The following C2CD2 variants were observed in gnomAD, a reference collection of about 807,000 sequenced individuals.
C2CD2 encodes the protein C2 calcium dependent domain containing 2.
C2CD2 carries 43 observed loss-of-function variants against 74.3 expected under a neutral mutation model. The ratio of observed to expected loss-of-function variants is 0.58; its 90% CI spans 0.45 to 0.75. The LOEUF (loss-of-function observed/expected upper bound fraction) is 0.75, where lower values mean the gene tolerates loss of function less well. Among genes scored for constraint, C2CD2 ranks in the 30% least tolerant of loss-of-function variants. The probability of loss-of-function intolerance (pLI) is 0.00; values close to 1 mark genes in which losing one functional copy is unlikely to be tolerated. For synonymous variants in C2CD2, 422 were observed against 390.7 expected (o/e 1.08, Z -0.94); for missense variants, 801 against 916.3 (o/e 0.87, Z 1.63).
At position 41,926,389 on chromosome 21, in the gene C2CD2, A is replaced by G; in HGVS notation, c.379-4304T>C. ...GTCAGGGTCTCCACATGGAAAGGCC[A>G]AGGGGGGACTCACGGTTGGCAGGTG... On this transcript the variant is annotated intron_variant, in intron 2 of 13. Transcript: ENST00000380486. The surrounding 1 kb of genome is among the most constrained non-coding windows in gnomAD (Gnocchi z 8.0). 1.0e-6 allele frequency: 1 copy of G among 979,242 alleles called. No homozygotes were observed. The highest frequency in any genetic ancestry group is 1.2e-6 in the Non-Finnish European group (1 of 824,350). 60.7% of individuals were successfully genotyped at this position (979,242 alleles called of 1,614,324 possible). A position where few individuals can be genotyped will look rare whatever the true frequency, so the allele number is the denominator to read the frequency against.
intron 2 of C2CD2, among the ~76,000 whole-genome samples, chr21:41,922,311 C>T (rs2065164081): frequency 6.6e-6 from 1 of 151,086 alleles, no homozygotes; most frequent in Admixed American, 6.6e-5. Context: ...GGGGTGTGCC[C>T]CCACACCCAC....
At chr21:41,889,626 G>A (rs945201835) in intron 13 of C2CD2, among the ~76,000 whole-genome samples, 6 of 135,664 alleles carry the variant, frequency 4.4e-5, no homozygotes, top group African/African-American at 1.6e-4. Flanking sequence ...TTATATTCCT[G>A]AATTTTTTTT....
Position 41,926,369 on chromosome 21 carries a change from G to C in C2CD2, c.379-4284C>G, listed in dbSNP as rs1229414439. ...TGGGGGGCTATTCACGGTAAGTCAG[G>C]GTCTCCACATGGAAAGGCCAAGGGG... On this transcript the variant is annotated intron_variant, in intron 2 of 13. Coordinates refer to ENST00000380486, the MANE Select transcript of C2CD2 (RefSeq NM_015500.2). The surrounding 1 kb of genome is among the most constrained non-coding windows in gnomAD (Gnocchi z 8.0). 1.1e-6 allele frequency: 1 copy of C among 937,970 alleles called. No individual in the cohort carries two copies. Among genetic ancestry groups the C allele is most frequent in the African/African-American group, 1.8e-5 (1 of 56,398 alleles). The allele number at this position is 937,970 out of a possible 1,614,324, so 58.1% of individuals were successfully genotyped here. A position where few individuals can be genotyped will look rare whatever the true frequency, so the allele number is the denominator to read the frequency against.
At chr21:41,900,868 G>C (rs459252) in intron 12 of C2CD2, 27,682 of 152,260 alleles carry the variant, frequency 0.18, 2,606 homozygotes, top group Middle Eastern at 0.22. Flanking sequence ...AGGCCAAGGT[G>C]GATGGATCGC....
At chr21:41,952,207 A>G (rs1367929300) in intron 1 of C2CD2, among the ~76,000 whole-genome samples, 2 of 152,224 alleles carry the variant, frequency 1.3e-5, no homozygotes, top group African/African-American at 4.8e-5. Context: ...TTTCCTCCAA[A>G]AAGTACAGTC....
In C2CD2 at chr21:41,905,812, C is replaced by T. The variant is rs2146163653; in HGVS notation, c.1344G>A (p.Lys448=). 6.2e-7 allele frequency: 1 copy of T among 1,605,168 alleles called. No homozygotes were observed. Among genetic ancestry groups the T allele is most frequent in the Non-Finnish European group, 8.5e-7 (1 of 1,171,864 alleles). ...SSDSPVKTPI[K]VKVIEKDISV... ...AGATGTCCTTCTCGATCACCTTCACCTTGATGGGAGTCTTCACCGGAGAAT... is the reference window on the plus strand; with the variant it reads ...AGATGTCCTTCTCGATCACCTTCACTTTGATGGGAGTCTTCACCGGAGAAT... The change falls in exon 11 of 14, where the codon AAG becomes AAA. Residue 448 remains lysine, a synonymous_variant. Coordinates refer to ENST00000380486, the MANE Select transcript of C2CD2 (RefSeq NM_015500.2).
At chr21:41,911,476 C>T (rs368584623) in intron 7 of C2CD2, among the ~76,000 whole-genome samples, 131 of 149,272 alleles carry the variant, frequency 8.8e-4, no homozygotes, top group African/African-American at 3.1e-3. Context: ...ACTGCAACCT[C>T]TGAATCCCAG....
intron 11 of C2CD2, 145 bp from the exon 12 acceptor site, chr21:41,901,894 T>C (rs752005635): frequency 3.2e-5 from 23 of 711,750 alleles, no homozygotes; most frequent in Non-Finnish European, 5.1e-5. Context: ...TTAGGCTTTG[T>C]TGGTGGTCTC....
At chr21:41,948,880 TTTTTTTTTTTTTC>T (rs1364795146) in intron 1 of C2CD2, among the ~76,000 whole-genome samples, 24 of 131,068 alleles carry the variant, frequency 1.8e-4, no homozygotes, top group Admixed American at 3.9e-4. Context: ...CTTTTTTTTT[TTTTTTTTTTTTTC>T]TTTTTTTTTA....
rs191589149 is a variant in C2CD2 at position 41,917,651 on chromosome 21, G to A, written c.720+454C>T. Among the ~76,000 whole-genome samples the A allele has an allele frequency of 1.9e-3, 291 of 152,326 alleles. 3 individuals are homozygous for A. Among genetic ancestry groups the A allele is most frequent in the South Asian group, 0.01 (49 of 4,826 alleles). Reference sequence around the variant, plus strand: ...ATATGGAAAAGGGGGTCGCACAGATGAGACTAGCCTCCTTTATCGTGTGCC... The same window carrying A: ...ATATGGAAAAGGGGGTCGCACAGATAAGACTAGCCTCCTTTATCGTGTGCC... On this transcript the variant is annotated intron_variant, in intron 5 of 13. Coordinates refer to ENST00000380486, the MANE Select transcript of C2CD2 (RefSeq NM_015500.2).
chr21:41,902,034 G>T (rs941901441), intron 11 of C2CD2, among the ~76,000 whole-genome samples: 1 of 152,126 alleles, frequency 6.6e-6, no homozygotes, highest in Non-Finnish European at 1.5e-5. Context: ...TTTTTCCTAT[G>T]GGCCATAGTT....
intron 13 of C2CD2, among the ~76,000 whole-genome samples, chr21:41,890,990 G>C (rs2064746172): frequency 6.6e-6 from 1 of 152,174 alleles, no homozygotes; most frequent in Non-Finnish European, 1.5e-5. Context: ...GATCAAAGCG[G>C]CCATAATTTT....
At position 41,945,071 on chromosome 21, in the gene C2CD2, A is replaced by G. The variant is rs2065387560; in HGVS notation, c.280-2826T>C. Among the ~76,000 whole-genome samples, 1 of 152,250 alleles carries G rather than the reference A, an allele frequency of 6.6e-6. No homozygotes were observed. The highest frequency in any genetic ancestry group is 2.1e-4 in the South Asian group (1 of 4,832). ...TGTGTTTCATAGGTTGGGAACTCAG[A>G]AACTACTTCATGCATATACTAGAAC... On this transcript the variant is annotated intron_variant, in intron 1 of 13. Coordinates refer to ENST00000380486, the MANE Select transcript of C2CD2 (RefSeq NM_015500.2). The surrounding 1 kb of genome is among the most constrained non-coding windows in gnomAD (Gnocchi z 4.2).
Position 41,903,780 on chromosome 21 carries a change from C to T in C2CD2, c.1432+1944G>A, listed in dbSNP as rs888684894. ...GCACCGTGGCAGGTGAGCCTGGGGG[C>T]CGGCTCCATGGACCATGCATCAGAA... On this transcript the variant is annotated intron_variant, in intron 11 of 13. Transcript: ENST00000380486. The surrounding 1 kb of genome is among the most constrained non-coding windows in gnomAD (Gnocchi z 4.5). 2.0e-5 allele frequency among the ~76,000 whole-genome samples: 3 copies of T among 152,022 alleles called. No homozygotes were observed. The highest frequency in any genetic ancestry group is 7.2e-5 in the African/African-American group (3 of 41,400).
chr21:41,940,207 T>C (rs1181511906), intron 2 of C2CD2, among the ~76,000 whole-genome samples: 1 of 152,116 alleles, frequency 6.6e-6, no homozygotes, highest in Non-Finnish European at 1.5e-5. Flanking sequence ...AGAAAATAAT[T>C]TCATTATCCA....
chr21:41,928,692 C>G lies in C2CD2; in HGVS notation c.379-6607G>C, dbSNP rs993515657. On this transcript the variant is annotated intron_variant, in intron 2 of 13. Transcript: ENST00000380486. ...TATGGACAGAGCAGGGGACCGCCCC[C>G]CACCCCCCAATCCCGCAGCTCTCAG... is the stretch of plus-strand genomic sequence containing the variant. 2.0e-5 allele frequency among the ~76,000 whole-genome samples: 3 copies of G among 152,140 alleles called. 1 individual carries two copies. Among genetic ancestry groups the G allele is most frequent in the Non-Finnish European group, 4.4e-5 (3 of 68,032 alleles).
Position 41,926,504 on chromosome 21 carries a change from G to C in C2CD2, c.379-4419C>G. The C allele has an allele frequency of 1.5e-6, 1 of 687,528 alleles. No individual in the cohort carries two copies. The allele number at this position is 687,528 out of a possible 1,614,324, so 42.6% of individuals were successfully genotyped here. ...GAAGGCTGAAGAGCAGGCTGAGCGG[G>C]GAGGCCTTCATTCACCTTCTCGGTG... On this transcript the variant is annotated intron_variant, in intron 2 of 13. Transcript: ENST00000380486. The surrounding 1 kb of genome is among the most constrained non-coding windows in gnomAD (Gnocchi z 8.0).
rs921194836 is a variant in C2CD2 at position 41,892,274 on chromosome 21, C to T, written c.1871-2930G>A. 5.3e-5 allele frequency among the ~76,000 whole-genome samples: 8 copies of T among 152,162 alleles called. No homozygotes were observed. Among genetic ancestry groups the T allele is most frequent in the African/African-American group, 1.7e-4 (7 of 41,432 alleles). On this transcript the variant is annotated intron_variant, in intron 13 of 13. Coordinates refer to ENST00000380486, the MANE Select transcript of C2CD2 (RefSeq NM_015500.2). The surrounding 1 kb of genome is among the most constrained non-coding windows in gnomAD (Gnocchi z 4.6). The stretch of plus-strand genomic sequence containing the variant: ...AAGGAACACCAAAGGTTGTCAGCAG[C>T]TGTCAGGAGCTGGAGAGGCGGGAGC...
intron 2 of C2CD2, among the ~76,000 whole-genome samples, chr21:41,928,271 CTGT>C (rs1555904328): frequency 1.3e-5 from 2 of 152,158 alleles, no homozygotes; most frequent in Admixed American, 6.5e-5. Context: ...GTCTTTCACT[CTGT>C]TTCCTCCAGG....
Sources: gnomAD v4.1 joint callset for allele counts (sites outside exome capture counted in the v4.1 genomes callset) on GRCh38, gnomAD v4.1.1 for gene constraint, Gnocchi (gnomAD v3.1) non-coding constraint, MANE v1.5 for transcripts, NCBI Gene and HGNC (gene_info 2026-07-23, HGNC 2026-07-21) for gene names.